Variants in PIK3CD observed in about 807,000 individuals in gnomAD.
The protein encoded by PIK3CD is phosphatidylinositol 4,5-bisphosphate 3-kinase catalytic subunit delta isoform.
Under a neutral mutation model 122.9 loss-of-function variants are expected in PIK3CD, and 20 were observed. The observed-to-expected ratio is 0.16, with a 90% CI of 0.11 to 0.24. The LOEUF (loss-of-function observed/expected upper bound fraction) is 0.24. Ranked by LOEUF, PIK3CD falls within the 10% of genes least tolerant of loss-of-function variation. The pLI is 1.00. For synonymous variants in PIK3CD, 596 were observed against 593.4 expected (o/e 1.00, Z -0.06); for missense variants, 787 against 1,406.3 (o/e 0.56, Z 7.04).
At chr1:9,682,141 T>TC (rs1645779488) in intron 1 of PIK3CD, among the ~76,000 whole-genome samples, 1 of 152,184 alleles carries the variant, frequency 6.6e-6, no homozygotes, top group Non-Finnish European at 1.5e-5. Flanking sequence ...CAGGCTGGTC[T>TC]CCAACTCCTG....
chr1:9,721,076 A>C, intron 13 of PIK3CD, 51 bp from the exon 14 acceptor site: 1 of 1,502,306 alleles, frequency 6.7e-7, no homozygotes, highest in Non-Finnish European at 9.1e-7. Flanking sequence ...TACCCTGACC[A>C]CCTCCACCCT....
At chr1:9,627,628 A>T in the PIK3CD span, among the ~76,000 whole-genome samples, 1 of 152,302 alleles carries the variant, frequency 6.6e-6, no homozygotes. Flanking sequence ...GGTTCTGGGC[A>T]CTTTACAGAT....
chr1:9,726,294 G>T (rs1649574432), intron 23 of PIK3CD, among the ~76,000 whole-genome samples: 1 of 152,122 alleles, frequency 6.6e-6, no homozygotes. Flanking sequence ...GAATCATGAG[G>T]TCAGGAGATC....
rs375996304 is a variant in PIK3CD at position 9,703,418 on chromosome 1, T to C, written c.-32-7006T>C. ...ACCACTTGGACTGAGTGTGTTGAGT[T>C]TTTGAAAAGTCCCCAGCTCCCAGAT... On this transcript the variant is annotated intron_variant, in intron 2 of 23. Coordinates refer to ENST00000377346, the MANE Select transcript of PIK3CD (RefSeq NM_005026.5). Among the ~76,000 whole-genome samples, 74 of 152,196 alleles carry C rather than the reference T, an allele frequency of 4.9e-4. 1 individual carries two copies. The highest frequency in any genetic ancestry group is 4.8e-3 in the East Asian group (25 of 5,168).
chr1:9,715,805 C>T lies in PIK3CD; in HGVS notation c.370+36C>T, dbSNP rs763917766. 9 of 1,611,782 alleles carry T rather than the reference C, an allele frequency of 5.6e-6. No individual in the cohort carries two copies. Among genetic ancestry groups the T allele is most frequent in the Non-Finnish European group, 6.8e-6 (8 of 1,179,126 alleles). On this transcript the variant is annotated intron_variant, in intron 4 of 23. Transcript: ENST00000377346. This position sits in a 1 kb window ranked among gnomAD's most constrained non-coding sequence, Gnocchi z 4.1. ...CGAGTGGGCCGTGTGGCCGGGCTGGCCCTGCCTGCCCCACCCGCTGACCCA... is the reference window on the plus strand; with the variant it reads ...CGAGTGGGCCGTGTGGCCGGGCTGGTCCTGCCTGCCCCACCCGCTGACCCA...
At chr1:9,647,896 CTTAATTGG>C (rs1388769480), upstream of PIK3CD, among the ~76,000 whole-genome samples, 2 of 152,164 alleles carry the variant, frequency 1.3e-5, no homozygotes, top group Non-Finnish European at 2.9e-5. Context: ...AGCTATAGAG[CTTAATTGG>C]TTACAGTGTT....
In PIK3CD at chr1:9,718,627, C is replaced by T; in HGVS notation, c.1021-67C>T. 7.0e-7 allele frequency: 1 copy of T among 1,429,146 alleles called. No homozygotes were observed. The highest frequency in any genetic ancestry group is 9.7e-7 in the Non-Finnish European group (1 of 1,027,828). The allele number at this position is 1,429,146 out of a possible 1,614,324, so 88.5% of individuals were successfully genotyped here. A position where few individuals can be genotyped will look rare whatever the true frequency, so the allele number is the denominator to read the frequency against. On this transcript the variant is annotated intron_variant, in intron 8 of 23. Transcript: ENST00000377346. This position sits in a 1 kb window ranked among gnomAD's most constrained non-coding sequence, Gnocchi z 7.2. ...AGGACATTCAAGGGGGAGACTGACA[C>T]CTTAAGGGGGAGGGGAGAGGGGCTG...
At chr1:9,664,615 A>G (rs535464887) in intron 1 of PIK3CD, among the ~76,000 whole-genome samples, 1 of 152,174 alleles carries the variant, frequency 6.6e-6, no homozygotes, top group Non-Finnish European at 1.5e-5. Flanking sequence ...TTTGCAAACG[A>G]GGCATTGTTC....
intron 2 of PIK3CD, among the ~76,000 whole-genome samples, chr1:9,701,342 A>G (rs1646621525): frequency 6.6e-6 from 1 of 152,178 alleles, no homozygotes; most frequent in South Asian, 2.1e-4. Flanking sequence ...CTGGTGGGAT[A>G]AATGAATCTA....
At chr1:9,653,035 G>A (rs1644727397) in intron 1 of PIK3CD, 1 of 152,362 alleles carries the variant, frequency 6.6e-6, no homozygotes. Context: ...TCTTCCCGCC[G>A]ATTCCTGAGA....
rs1048549235 is a variant in PIK3CD, at chr1:9,716,285, G to A, written c.601-155G>A. ...GATAACCAAGTGGCGTGGGGCATTG[G>A]GCATCAGTTTGTTCATTCTTTGAAC... On this transcript the variant is annotated intron_variant, in intron 5 of 23. Coordinates refer to ENST00000377346, the MANE Select transcript of PIK3CD (RefSeq NM_005026.5). 18 of 839,400 alleles carry A rather than the reference G, an allele frequency of 2.1e-5. No individual in the cohort carries two copies. The African/African-American group carries it at 2.3e-4, about 11-fold the overall frequency. The allele number at this position is 839,400 out of a possible 1,614,324, so 52.0% of individuals were successfully genotyped here.
chr1:9,707,994 CTG>C (rs1238037305), intron 2 of PIK3CD, among the ~76,000 whole-genome samples: 1 of 151,750 alleles, frequency 6.6e-6, no homozygotes, highest in Non-Finnish European at 1.5e-5. Context: ...AGGGGTTTCA[CTG>C]TGTTAGCCAG....
intron 1 of PIK3CD, among the ~76,000 whole-genome samples, chr1:9,654,877 T>A (rs1383785441): frequency 6.6e-6 from 1 of 151,154 alleles, no homozygotes; most frequent in Non-Finnish European, 1.5e-5. Context: ...TTGGCCAACA[T>A]GGTGAATATC....
chr1:9,683,170 G>A (rs577346336), intron 1 of PIK3CD, among the ~76,000 whole-genome samples: 1 of 149,326 alleles, frequency 6.7e-6, no homozygotes, highest in Non-Finnish European at 1.5e-5. Flanking sequence ...TGGGCATGGT[G>A]GCTCATGCCT....
chr1:9,643,245 C>G, the PIK3CD span, among the ~76,000 whole-genome samples: 2 of 151,766 alleles, frequency 1.3e-5, no homozygotes, highest in Non-Finnish European at 2.9e-5. Flanking sequence ...CCCATCTCTA[C>G]TAAATATACA....
rs950173405 is a variant in PIK3CD at position 9,726,380 on chromosome 1, C to G, written c.2998-529C>G. 6.0e-5 allele frequency among the ~76,000 whole-genome samples: 9 copies of G among 151,158 alleles called. No individual in the cohort carries two copies. The East Asian group carries it at 1.2e-3, about 20-fold the overall frequency. On this transcript the variant is annotated intron_variant, in intron 23 of 23. Transcript: ENST00000377346. ...AAAAATTAGCCAGGTGTGGTGGCGG[C>G]TGCCTGTAGTCCCAGCTACTTGGGA...
intron 5 of PIK3CD, 98 bp downstream of exon 5, chr1:9,716,176 A>G (rs1477449834): frequency 4.7e-6 from 5 of 1,053,674 alleles, no homozygotes; most frequent in Admixed American, 2.0e-5. Context: ...CCCCTCCCCC[A>G]GTGGCATCAG....
intron 1 of PIK3CD, among the ~76,000 whole-genome samples, chr1:9,657,558 C>G (rs930053176): frequency 6.6e-6 from 1 of 151,992 alleles, no homozygotes; most frequent in African/African-American, 2.4e-5. Context: ...TGGCAGTCCC[C>G]ACCTCACCCC....
chr1:9,667,005 A>G (rs1338363676), intron 1 of PIK3CD, among the ~76,000 whole-genome samples: 5 of 152,072 alleles, frequency 3.3e-5, no homozygotes, highest in African/African-American at 1.2e-4. Flanking sequence ...CTGGGACTAC[A>G]GGCGTACACC....
Sources: allele counts gnomAD v4.1 joint callset (sites outside exome capture counted in the v4.1 genomes callset), GRCh38; gene constraint gnomAD v4.1.1; non-coding constraint Gnocchi (gnomAD v3.1); transcripts MANE v1.5; gene names NCBI Gene and HGNC (gene_info 2026-07-23, HGNC 2026-07-21).